PIEZO2: variants seen among roughly 807,000 people sequenced by gnomAD.
PIEZO2 encodes the protein piezo-type mechanosensitive ion channel component 2.
Under a neutral mutation model 337.3 loss-of-function variants are expected in PIEZO2, and 172 were observed. The ratio of observed to expected loss-of-function variants is 0.51; its 90% CI spans 0.45 to 0.58. The LOEUF is 0.58. Among genes scored for constraint, PIEZO2 ranks in the 20% least tolerant of loss-of-function variants. The pLI is 0.00. For synonymous variants in PIEZO2, 1,251 were observed against 1,228.5 expected (o/e 1.02, Z -0.38); for missense variants, 3,028 against 3,391.3 (o/e 0.89, Z 2.66).
rs2035813706 is a variant in PIEZO2, at chr18:11,009,176, A to T, written c.161-29516T>A. On this transcript the variant is annotated intron_variant, in intron 2 of 55. Transcript: ENST00000674853. This position sits in a 1 kb window ranked among gnomAD's most constrained non-coding sequence, Gnocchi z 4.6. ...GGAATCCTGGTAGGTTGCTCTTGCC[A>T]CGTCACTGTTATTTGCCTGGGCAGT... is the stretch of plus-strand genomic sequence containing the variant. Among the ~76,000 whole-genome samples the T allele has an allele frequency of 6.6e-6, 1 of 152,252 alleles. No individual in the cohort carries two copies. Among genetic ancestry groups the T allele is most frequent in the African/African-American group, 2.4e-5 (1 of 41,472 alleles).
intron 1 of PIEZO2, among the ~76,000 whole-genome samples, chr18:11,138,172 T>C (rs2040542564): frequency 6.6e-6 from 1 of 152,266 alleles, no homozygotes; most frequent in Admixed American, 6.5e-5. Flanking sequence ...TAAATATTTC[T>C]TCAGTGTTCC....
chr18:10,691,111 C>T lies in PIEZO2; in HGVS notation c.7349+114G>A, dbSNP rs8091383. 949,104 of 1,212,118 alleles carry T rather than the reference C, an allele frequency of 0.78. 374,053 individuals are homozygous for T. Among genetic ancestry groups the T allele is most frequent in the East Asian group, 0.98 (41,167 of 42,056 alleles). The allele number at this position is 1,212,118 out of a possible 1,614,324, so 75.1% of individuals were successfully genotyped here. ...TGCCAACATCGTAAGAGTTCCACAA[C>T]GATTCCCACTGCTGAATTCATCCTC... On this transcript the variant is annotated intron_variant, in intron 48 of 55. Coordinates refer to ENST00000674853, the MANE Select transcript of PIEZO2 (RefSeq NM_001378183.1).
At position 10,797,830 on chromosome 18, in the gene PIEZO2, T is replaced by C. The variant is rs8086662; in HGVS notation, c.1379-308A>G. Among the ~76,000 whole-genome samples the C allele has an allele frequency of 0.82, 124,210 of 152,218 alleles. 50,738 individuals carry two copies. Among genetic ancestry groups the C allele is most frequent in the East Asian group, 0.93 (4,832 of 5,170 alleles). On this transcript the variant is annotated intron_variant, in intron 11 of 55. Coordinates refer to ENST00000674853, the MANE Select transcript of PIEZO2 (RefSeq NM_001378183.1). ...TGTTCATGCTGTTGTGTGGGCCCTCTCCTCGAGTGTGGGTGGGACCTGTGA... is the reference window on the plus strand; with the variant it reads ...TGTTCATGCTGTTGTGTGGGCCCTCCCCTCGAGTGTGGGTGGGACCTGTGA...
Position 10,820,966 on chromosome 18 carries a change from T to A in PIEZO2, c.918-13692A>T, listed in dbSNP as rs563888860. Among the ~76,000 whole-genome samples the A allele has an allele frequency of 3.1e-4, 47 of 152,298 alleles. No individual in the cohort carries two copies. The South Asian group carries it at 5.8e-3, about 19-fold the overall frequency. On this transcript the variant is annotated intron_variant, in intron 7 of 55. Transcript: ENST00000674853. ...GTTACTAACTTTACAGTTCCTCAATTTTTGTTCTTTCCCCGGGAGTTTTGC... is the reference window on the plus strand; with the variant it reads ...GTTACTAACTTTACAGTTCCTCAATATTTGTTCTTTCCCCGGGAGTTTTGC...
At chr18:10,788,967 A>T (rs1345634880) in intron 15 of PIEZO2, 112 bp downstream of exon 15, 22 of 1,213,992 alleles carry the variant, frequency 1.8e-5, no homozygotes, top group Non-Finnish European at 2.4e-5. Context: ...GAATCTTGCC[A>T]ATCACTTTAT....
rs75284613 is a variant in PIEZO2 at position 11,001,865 on chromosome 18, G to A, written c.161-22205C>T. The stretch of plus-strand genomic sequence containing the variant: ...TGTACTCCAGCCTGGGTGATAGAGC[G>A]AGATTCAAAAAAGAAAAAGGAGAAA... On this transcript the variant is annotated intron_variant, in intron 2 of 55. Transcript: ENST00000674853. The surrounding 1 kb of genome is among the most constrained non-coding windows in gnomAD (Gnocchi z 5.3). 0.018 allele frequency among the ~76,000 whole-genome samples: 2,687 copies of A among 148,554 alleles called. 90 individuals are homozygous for A. Among genetic ancestry groups the A allele is most frequent in the African/African-American group, 0.063 (2,519 of 39,698 alleles).
At chr18:11,037,631 C>A (rs201977625) in intron 2 of PIEZO2, among the ~76,000 whole-genome samples, 1 of 152,102 alleles carries the variant, frequency 6.6e-6, no homozygotes, top group South Asian at 2.1e-4. Flanking sequence ...AGAAGCTAAC[C>A]TACTCTGCCA....
At chr18:10,839,369 G>C (rs1256893759) in intron 7 of PIEZO2, among the ~76,000 whole-genome samples, 1 of 152,130 alleles carries the variant, frequency 6.6e-6, no homozygotes, top group Non-Finnish European at 1.5e-5. Context: ...CTCTGTGTTG[G>C]GTTCTACCTG....
intron 2 of PIEZO2, among the ~76,000 whole-genome samples, chr18:11,055,327 G>T (rs548608198): frequency 6.6e-6 from 1 of 152,218 alleles, no homozygotes; most frequent in South Asian, 2.1e-4. Context: ...GGCAGGGTGT[G>T]CAACTCCAGC....
intron 1 of PIEZO2, among the ~76,000 whole-genome samples, chr18:11,086,897 A>G (rs1360549817): frequency 3.3e-5 from 5 of 152,186 alleles, no homozygotes; most frequent in African/African-American, 1.2e-4. Context: ...TTAGATTAAA[A>G]TGAGTGGCCA....
chr18:11,094,606 A>G lies in PIEZO2; in HGVS notation c.65-28384T>C, dbSNP rs1449775296. ...GTCCCCTCTCTGAAGACAGATGGCA[A>G]CGGCACCCTGGCCCTTCCTACCTAA... On this transcript the variant is annotated intron_variant, in intron 1 of 55. Transcript: ENST00000674853. The surrounding 1 kb of genome is among the most constrained non-coding windows in gnomAD (Gnocchi z 4.4). 6.6e-6 allele frequency among the ~76,000 whole-genome samples: 1 copy of G among 152,200 alleles called. No individual in the cohort carries two copies. Among genetic ancestry groups the G allele is most frequent in the Non-Finnish European group, 1.5e-5 (1 of 68,026 alleles).
intron 1 of PIEZO2, among the ~76,000 whole-genome samples, chr18:11,115,208 T>C (rs983971360): frequency 1.3e-5 from 2 of 152,240 alleles, no homozygotes; most frequent in African/African-American, 4.8e-5. Flanking sequence ...AATACTCCTA[T>C]ATTAAGTGTT....
chr18:11,142,158 C>A (rs1259489490), intron 1 of PIEZO2, among the ~76,000 whole-genome samples: 1 of 152,168 alleles, frequency 6.6e-6, no homozygotes, highest in African/African-American at 2.4e-5. Flanking sequence ...TATGTATATG[C>A]TGCAGGTGCA....
Position 10,953,704 on chromosome 18 carries a change from C to T in PIEZO2, c.286+25831G>A, listed in dbSNP as rs1228612169. 2.0e-5 allele frequency among the ~76,000 whole-genome samples: 3 copies of T among 151,944 alleles called. No homozygotes were observed. The highest frequency in any genetic ancestry group is 7.3e-5 in the African/African-American group (3 of 41,298). On this transcript the variant is annotated intron_variant, in intron 3 of 55. Coordinates refer to ENST00000674853, the MANE Select transcript of PIEZO2 (RefSeq NM_001378183.1). This position sits in a 1 kb window ranked among gnomAD's most constrained non-coding sequence, Gnocchi z 5.2. ...AACAGAATGAGATGGTTGAACACATCGCAACACTGGGCAGATAGATGGGCA... is the reference window on the plus strand; with the variant it reads ...AACAGAATGAGATGGTTGAACACATTGCAACACTGGGCAGATAGATGGGCA...
chr18:11,142,547 A>G (rs751705776), intron 1 of PIEZO2, among the ~76,000 whole-genome samples: 4 of 152,198 alleles, frequency 2.6e-5, no homozygotes, highest in Non-Finnish European at 5.9e-5. Context: ...CTGGGAGGCC[A>G]AGGCAGAGGA....
At chr18:10,814,216 G>C (rs561352026) in intron 7 of PIEZO2, among the ~76,000 whole-genome samples, 4 of 152,038 alleles carry the variant, frequency 2.6e-5, no homozygotes, top group African/African-American at 4.8e-5. Context: ...TGATCTGCCC[G>C]CCTTGGCCTC....
rs1217929975 is a variant in PIEZO2, at chr18:10,979,578, C to A, written c.243G>T (p.Leu81Phe). 2 of 1,535,544 alleles carry A rather than the reference C, an allele frequency of 1.3e-6. No homozygotes were observed. Among genetic ancestry groups the A allele is most frequent in the Non-Finnish European group, 1.7e-6 (2 of 1,145,696 alleles). ...TACGATGTTGAGCTTCAAGGCTCACCAACGTGATGTGGAAAATGATGTGCA... is the reference window on the plus strand; with the variant it reads ...TACGATGTTGAGCTTCAAGGCTCACAAACGTGATGTGGAAAATGATGTGCA... The part of the protein sequence containing the change: ...LLLHIIFHIT[L>F]VSLEAQHRIA... The change falls in exon 3 of 56, where the codon TTG becomes TTT. Residue 81 changes from leucine (L) to phenylalanine (F), a missense_variant. Transcript: ENST00000674853. This position sits in a 1 kb window ranked among gnomAD's most constrained non-coding sequence, Gnocchi z 4.0.
chr18:10,798,860 C>G (rs1041215783), intron 11 of PIEZO2, among the ~76,000 whole-genome samples: 3 of 152,082 alleles, frequency 2.0e-5, no homozygotes, highest in Non-Finnish European at 4.4e-5. Context: ...CTTGAACTTT[C>G]CAGTTTAAGC....
intron 1 of PIEZO2, among the ~76,000 whole-genome samples, chr18:11,130,991 T>C (rs570328655): frequency 1.1e-4 from 17 of 152,324 alleles, no homozygotes; most frequent in African/African-American, 3.4e-4. Flanking sequence ...CAGTGGCAGA[T>C]AGGGATGCTG....
Sources: gnomAD v4.1 joint callset for allele counts (sites outside exome capture counted in the v4.1 genomes callset) on GRCh38, gnomAD v4.1.1 for gene constraint, Gnocchi (gnomAD v3.1) non-coding constraint, MANE v1.5 for transcripts, NCBI Gene and HGNC (gene_info 2026-07-23, HGNC 2026-07-21) for gene names.